DRC2: variants seen among roughly 807,000 people sequenced by gnomAD.
DRC2 encodes the protein coiled-coil domain containing 65.
the DRC2 span, among the ~76,000 whole-genome samples, chr12:48,911,353 G>GT: frequency 6.6e-6 from 1 of 152,082 alleles, no homozygotes; most frequent in Non-Finnish European, 1.5e-5. Context: ...GAGCCCAGGA[G>GT]TTTGAGACCA....
At chr12:48,918,879 G>A in the DRC2 span, 2 of 1,613,638 alleles carry the variant, frequency 1.2e-6, no homozygotes, top group Non-Finnish European at 1.7e-6. Context: ...CCACCCTCAA[G>A]GCCCTGAGAA....
chr12:48,907,154 G>A, the DRC2 span, among the ~76,000 whole-genome samples: 1 of 152,134 alleles, frequency 6.6e-6, no homozygotes, highest in Non-Finnish European at 1.5e-5. Flanking sequence ...GGTGGAGCTT[G>A]CAGTGAGCAG....
the DRC2 span, among the ~76,000 whole-genome samples, chr12:48,909,037 C>CTTTTTTTTTTTTTTTTTTT: frequency 1.2e-5 from 1 of 82,370 alleles, no homozygotes; most frequent in Non-Finnish European, 2.3e-5. Flanking sequence ...TTTTCTTTCT[C>CTTTTTTTTTTTTTTTTTTT]TTTTTTTTTT....
At chr12:48,916,952 G>C in the DRC2 span, 2 of 1,612,284 alleles carry the variant, frequency 1.2e-6, no homozygotes, top group South Asian at 1.1e-5. Flanking sequence ...AGCAGGGACA[G>C]TGTCTTGTCT....
chr12:48,920,794 A>C, the DRC2 span: 99 of 687,198 alleles, frequency 1.4e-4, 1 homozygote, highest in East Asian at 2.1e-3. Flanking sequence ...GGTAACCTCC[A>C]TTTGCTATAT....
chr12:48,913,784 C>G, the DRC2 span, among the ~76,000 whole-genome samples: 3 of 152,162 alleles, frequency 2.0e-5, no homozygotes, highest in African/African-American at 7.2e-5. Flanking sequence ...CTTGTGCCAC[C>G]GCACCCGGCA....
chr12:48,918,160 G>A, the DRC2 span: 1 of 923,338 alleles, frequency 1.1e-6, no homozygotes, highest in East Asian at 2.5e-5. Context: ...TTTCATGGGA[G>A]ACCTCTGTAC....
the DRC2 span, among the ~76,000 whole-genome samples, chr12:48,917,971 C>T: frequency 8.5e-5 from 13 of 152,310 alleles, no homozygotes; most frequent in South Asian, 8.3e-4. Flanking sequence ...TTTTCAGCTT[C>T]CCTTGAAAAA....
the DRC2 span, among the ~76,000 whole-genome samples, chr12:48,915,438 A>G: frequency 2.7e-5 from 4 of 147,930 alleles, no homozygotes; most frequent in Non-Finnish European, 4.5e-5. Context: ...GTAAGGTCAC[A>G]GATCAACAGG....
the DRC2 span, among the ~76,000 whole-genome samples, chr12:48,917,985 A>G: frequency 6.6e-6 from 1 of 152,242 alleles, no homozygotes; most frequent in Admixed American, 6.5e-5. Flanking sequence ...TGAAAAATTT[A>G]AAGATCTGGC....
At chr12:48,916,485 A>T in the DRC2 span, among the ~76,000 whole-genome samples, 2 of 152,070 alleles carry the variant, frequency 1.3e-5, no homozygotes, top group African/African-American at 2.4e-5. Context: ...CTGCAATCGC[A>T]GGCACTCGGC....
At chr12:48,904,342 T>G in the DRC2 span, 1 of 1,613,096 alleles carries the variant, frequency 6.2e-7, no homozygotes, top group Non-Finnish European at 8.5e-7. Flanking sequence ...CCCCCATGCC[T>G]AAGAAAGAAA....
the DRC2 span, among the ~76,000 whole-genome samples, chr12:48,914,208 G>C: frequency 6.6e-6 from 1 of 151,988 alleles, no homozygotes; most frequent in Admixed American, 6.6e-5. Flanking sequence ...CAAAGTGTTG[G>C]GATTACAAAT....
chr12:48,908,445 T>C, the DRC2 span, among the ~76,000 whole-genome samples: 1 of 152,030 alleles, frequency 6.6e-6, no homozygotes, highest in South Asian at 2.1e-4. Context: ...TACCCTGCTG[T>C]CCTTTTCCAC....
the DRC2 span, among the ~76,000 whole-genome samples, chr12:48,916,429 C>T: frequency 6.6e-6 from 1 of 151,208 alleles, no homozygotes; most frequent in African/African-American, 2.4e-5. Flanking sequence ...GAAACCCCGT[C>T]TCCACCAAAA....
chr12:48,920,029 C>T, the DRC2 span, among the ~76,000 whole-genome samples: 3 of 143,014 alleles, frequency 2.1e-5, no homozygotes, highest in Admixed American at 2.2e-4. Context: ...GGGAGGACCA[C>T]TTGAGCCTGG....
chr12:48,912,617 C>A, the DRC2 span, among the ~76,000 whole-genome samples: 1 of 151,882 alleles, frequency 6.6e-6, no homozygotes, highest in East Asian at 1.9e-4. Flanking sequence ...ATTCTGTTGA[C>A]CCATGTAGTC....
At chr12:48,912,368 T>C in the DRC2 span, among the ~76,000 whole-genome samples, 11 of 139,880 alleles carry the variant, frequency 7.9e-5, no homozygotes, top group African/African-American at 2.4e-4. Flanking sequence ...AGAGGGAGCT[T>C]GCAGTGAGCC....
chr12:48,915,606 C>T, the DRC2 span, among the ~76,000 whole-genome samples: 27 of 151,938 alleles, frequency 1.8e-4, no homozygotes, highest in African/African-American at 6.3e-4. Context: ...CATCCTGGCC[C>T]GTTCTCAATG....
Sources: allele counts gnomAD v4.1 joint callset (sites outside exome capture counted in the v4.1 genomes callset), GRCh38; gene constraint gnomAD v4.1.1; transcripts MANE v1.5; gene names NCBI Gene and HGNC (gene_info 2026-07-23, HGNC 2026-07-21).